The following DDX1 variants were observed in gnomAD, a reference collection of about 807,000 sequenced individuals.
The protein encoded by DDX1 is ATP-dependent RNA helicase DDX1.
In DDX1, 28 loss-of-function variants were observed where a neutral mutation model predicts 108.7. The observed-to-expected ratio is 0.26, with a 90% CI of 0.19 to 0.35. DDX1 has a LOEUF of 0.35. Ranked by LOEUF, DDX1 falls within the 10% of genes least tolerant of loss-of-function variation. The probability of loss-of-function intolerance (pLI) is 1.00; values close to 1 mark genes in which losing one functional copy is unlikely to be tolerated. For synonymous variants in DDX1, 295 were observed against 288.9 expected, an observed-to-expected ratio of 1.02 and a Z score of -0.21; for missense variants, 710 against 884.5, an observed-to-expected ratio of 0.80 and a Z score of 2.50.
intron 2 of DDX1, 58 bp from the exon 3 acceptor site, chr2:15,595,432 T>C: frequency 7.0e-7 from 1 of 1,430,378 alleles, no homozygotes; most frequent in Non-Finnish European, 9.9e-7. Flanking sequence ...CGTGACTTAA[T>C]TTGCTTAGGC....
intron 12 of DDX1, among the ~76,000 whole-genome samples, chr2:15,606,851 A>T (rs7579604): frequency 0.23 from 35,674 of 152,002 alleles, 5,176 homozygotes; most frequent in African/African-American, 0.41. Context: ...AGGGGATCTC[A>T]CTGTGTCACC....
intron 19 of DDX1, among the ~76,000 whole-genome samples, chr2:15,626,672 C>CT (rs773892275): frequency 1.3e-5 from 2 of 152,126 alleles, no homozygotes; most frequent in Non-Finnish European, 2.9e-5. Context: ...AGCACATTAA[C>CT]TTGATGATGC....
At position 15,607,188 on chromosome 2, in the gene DDX1, GAC is replaced by G; in HGVS notation, c.835_836del (p.Gln279AsnfsTer14). 16 of 1,614,058 alleles carry G rather than the reference GAC, an allele frequency of 9.9e-6. No homozygotes were observed. Among genetic ancestry groups the G allele is most frequent in the Non-Finnish European group, 1.4e-5 (16 of 1,179,980 alleles). ...TTATTCCCTAAGGTAATGCACAGGT[GAC>G]ACAAACAAAGTTTCTCCCCAATGCT... Reference protein sequence around the residue: ...KSQHSGNAQVTQTKFLPNAPK... With the variant: ...KSQHSGNAQVXQTKFLPNAPK... On this transcript the variant is annotated frameshift_variant, in exon 13 of 26. Transcript: ENST00000233084. LOFTEE classifies it high-confidence loss of function.
At chr2:15,600,102 A>G (rs886259813) in intron 6 of DDX1, among the ~76,000 whole-genome samples, 3 of 152,256 alleles carry the variant, frequency 2.0e-5, no homozygotes, top group Non-Finnish European at 2.9e-5. Context: ...ACAGAAAACT[A>G]CATGTATAAT....
intron 14 of DDX1, 94 bp downstream of exon 14, chr2:15,613,378 T>C: frequency 1.2e-6 from 1 of 810,848 alleles, no homozygotes; most frequent in Non-Finnish European, 2.0e-6. Context: ...TAAGTGAGGC[T>C]GAAATTAGAG....
chr2:15,613,155 C>G (rs2302934), intron 13 of DDX1, 69 bp from the exon 14 acceptor site: 160,548 of 1,001,238 alleles, frequency 0.16, 14,774 homozygotes, highest in East Asian at 0.37. Flanking sequence ...TAAATGGATG[C>G]AGATCAAACA....
chr2:15,622,903 A>G (rs893610228), intron 18 of DDX1, among the ~76,000 whole-genome samples: 1 of 152,178 alleles, frequency 6.6e-6, no homozygotes, highest in African/African-American at 2.4e-5. Context: ...TGAAAAATAG[A>G]GAGTTGGAGG....
At chr2:15,606,656 A>G (rs1665667170) in intron 12 of DDX1, among the ~76,000 whole-genome samples, 1 of 152,226 alleles carries the variant, frequency 6.6e-6, no homozygotes, top group Non-Finnish European at 1.5e-5. Flanking sequence ...CACAGAGCAA[A>G]TAAGTGGTAG....
chr2:15,592,651 G>C (rs1202277318), intron 1 of DDX1, among the ~76,000 whole-genome samples: 1 of 151,794 alleles, frequency 6.6e-6, no homozygotes, highest in Non-Finnish European at 1.5e-5. Context: ...TGATATTTTC[G>C]CCTCTTGCTT....
rs937297328 is a variant in DDX1, at chr2:15,613,000, AGAGAGGGAGAGGGAGACCGTGGG to A, written c.957-210_957-188del. Among the ~76,000 whole-genome samples, 8 of 149,416 alleles carry A rather than the reference AGAGAGGGAGAGGGAGACCGTGGG, an allele frequency of 5.4e-5. No homozygotes were observed. In the East Asian group the frequency reaches 1.6e-3, roughly 30 times the overall value. On this transcript the variant is annotated intron_variant, in intron 13 of 25. Coordinates refer to ENST00000233084, the MANE Select transcript of DDX1 (RefSeq NM_004939.3). ...TCGGTATCAGAGGGAGACCGTGGAA[AGAGAGGGAGAGGGAGACCGTGGG>A]GAGAGGGAGAGGGGGAGGGGGAGGG...
intron 3 of DDX1, among the ~76,000 whole-genome samples, chr2:15,596,393 G>A (rs1280155476): frequency 6.6e-6 from 1 of 152,156 alleles, no homozygotes; most frequent in Non-Finnish European, 1.5e-5. Flanking sequence ...TAAAGAATTT[G>A]AGTGTTAGTC....
At chr2:15,603,325 A>G in intron 8 of DDX1, 50 bp downstream of exon 8, 1 of 1,236,644 alleles carries the variant, frequency 8.1e-7, no homozygotes, top group Non-Finnish European at 1.2e-6. Context: ...TTGGGGGATA[A>G]CATTTTATTA....
chr2:15,623,732 T>C (rs1217830080), intron 19 of DDX1, 150 bp downstream of exon 19: 2 of 634,626 alleles, frequency 3.2e-6, no homozygotes, highest in Non-Finnish European at 5.3e-6. Context: ...TACTTTTCCA[T>C]ATGATAAGCC....
intron 23 of DDX1, among the ~76,000 whole-genome samples, chr2:15,629,276 T>C (rs531657314): frequency 5.8e-4 from 89 of 152,334 alleles, no homozygotes; most frequent in African/African-American, 1.7e-3. Context: ...TTTGAACTTA[T>C]TTTTCTTTTG....
chr2:15,621,264 A>G, intron 18 of DDX1, 148 bp downstream of exon 18: 1 of 635,154 alleles, frequency 1.6e-6, no homozygotes, highest in Non-Finnish European at 2.8e-6. Context: ...AGAAATGGGG[A>G]AAAGCTGATA....
At chr2:15,592,043 C>T in intron 1 of DDX1, 94 bp downstream of exon 1, 1 of 1,175,114 alleles carries the variant, frequency 8.5e-7, no homozygotes. Context: ...CGGGAGCGGA[C>T]AGGGGTCAGG....
At chr2:15,613,965 T>C (rs1408647766) in intron 14 of DDX1, among the ~76,000 whole-genome samples, 6 of 151,874 alleles carry the variant, frequency 4.0e-5, no homozygotes, top group Non-Finnish European at 8.8e-5. Flanking sequence ...GCCTCCTCAG[T>C]AGCTGGGATT....
At chr2:15,594,300 A>G (rs1289139271) in intron 1 of DDX1, among the ~76,000 whole-genome samples, 1 of 152,020 alleles carries the variant, frequency 6.6e-6, no homozygotes, top group Non-Finnish European at 1.5e-5. Context: ...TCTTTTTTTT[A>G]TAGGAATATA....
chr2:15,623,626 G>A (rs1176020539), intron 19 of DDX1, 44 bp downstream of exon 19: 3 of 1,511,160 alleles, frequency 2.0e-6, no homozygotes, highest in African/African-American at 1.4e-5. Context: ...ATATCCTCTT[G>A]TAATAGATTA....
Sources: allele counts gnomAD v4.1 joint callset (sites outside exome capture counted in the v4.1 genomes callset), GRCh38; gene constraint gnomAD v4.1.1; transcripts MANE v1.5; gene names NCBI Gene and HGNC (gene_info 2026-07-23, HGNC 2026-07-21).